Variants in MATN3 observed in about 807,000 individuals in gnomAD.
MATN3 encodes the protein matrilin-3.
Under a neutral mutation model 45.3 loss-of-function variants are expected in MATN3, and 48 were observed. The observed-to-expected ratio is 1.06, with a 90% CI of 0.84 to 1.35. MATN3 has a LOEUF of 1.35. MATN3 is among the 40% of genes most tolerant of loss of function. The pLI is 0.00. For synonymous variants in MATN3, 217 were observed against 245.9 expected, an observed-to-expected ratio of 0.88 and a Z score of 1.10; for missense variants, 599 against 628.0, an observed-to-expected ratio of 0.95 and a Z score of 0.49.
chr2:20,002,977 T>C lies in MATN3; in HGVS notation c.916+184A>G, dbSNP rs16987282. ...CAAAGTATGGAAATAAGCTGATTTATCTATCATTTCACTTTTCTCCCTAAG... is the reference window on the plus strand; with the variant it reads ...CAAAGTATGGAAATAAGCTGATTTACCTATCATTTCACTTTTCTCCCTAAG... On this transcript the variant is annotated intron_variant, in intron 3 of 7. Transcript: ENST00000407540. 0.085 allele frequency among the ~76,000 whole-genome samples: 12,981 copies of C among 152,216 alleles called. 648 individuals are homozygous for C. Among genetic ancestry groups the C allele is most frequent in the East Asian group, 0.23 (1,189 of 5,174 alleles).
In MATN3 at chr2:20,003,245, C is replaced by T. The variant is rs149976914; in HGVS notation, c.832G>A (p.Val278Ile). ...CVLGTHQCQHVCISDGEGKHH... is the reference protein window; with the variant it reads ...CVLGTHQCQHICISDGEGKHH... ...TTGCCTTCCCCATCACTGATGCAGACGTGCTGGCACTGGTGTGTTCCAAGC... is the reference window on the plus strand; with the variant it reads ...TTGCCTTCCCCATCACTGATGCAGATGTGCTGGCACTGGTGTGTTCCAAGC... The change falls in exon 3 of 8, where the codon GTC becomes ATC. Residue 278 changes from valine (V) to isoleucine (I), a missense_variant. Physicochemically the swap from Val to Ile is conservative, Grantham distance 29 (BLOSUM62 3). Transcript: ENST00000407540. 2.8e-4 allele frequency: 454 copies of T among 1,613,960 alleles called. No individual in the cohort carries two copies. The highest frequency in any genetic ancestry group is 3.8e-4 in the Non-Finnish European group (444 of 1,179,850).
chr2:20,005,804 A>G lies in MATN3; in HGVS notation c.730T>C (p.Tyr244His), dbSNP rs1299166182. The change falls in exon 2 of 8, where the codon TAC becomes CAC. Residue 244 changes from tyrosine (Y) to histidine (H), a missense_variant. By Grantham distance (83) the Tyr-to-His change is moderately conservative. Coordinates refer to ENST00000407540, the MANE Select transcript of MATN3 (RefSeq NM_002381.5). ...ASEPLEEHVF[Y>H]VETYGVIEKL... ...TCAATGACCCCATAGGTCTCCACGT[A>G]GAAAACATGCTCCTCTAGGGGCTCA... The G allele has an allele frequency of 1.2e-6, 2 of 1,611,352 alleles. No homozygotes were observed. The highest frequency in any genetic ancestry group is 1.7e-6 in the Non-Finnish European group (2 of 1,178,754).
At chr2:20,004,457 G>A (rs1227484556) in intron 2 of MATN3, among the ~76,000 whole-genome samples, 1 of 152,212 alleles carries the variant, frequency 6.6e-6, no homozygotes, top group Non-Finnish European at 1.5e-5. Flanking sequence ...CTTTTTGGAA[G>A]CCAACGAATG....
rs1442180330 is a variant in MATN3, at chr2:20,005,867, C to T, written c.667G>A (p.Asp223Asn). 1 of 1,609,212 alleles carries T rather than the reference C, an allele frequency of 6.2e-7. No homozygotes were observed. Among genetic ancestry groups the T allele is most frequent in the South Asian group, 1.1e-5 (1 of 90,246 alleles). ...TTGAGGGACGCCATGTCTGCCCGGT[C>T]CACGCCCACAGCATAGAGCTCAATA... ...SGIELYAVGV[D>N]RADMASLKMM... The change falls in exon 2 of 8, where the codon GAC becomes AAC. Residue 223 changes from aspartate to asparagine, a missense_variant. Asp to Asn is a conservative substitution (Grantham distance 23). Transcript: ENST00000407540.
intron 1 of MATN3, among the ~76,000 whole-genome samples, chr2:20,009,391 ACAC>A (rs1424043280): frequency 1.3e-5 from 2 of 152,078 alleles, no homozygotes; most frequent in Non-Finnish European, 2.9e-5. Flanking sequence ...AGAAAACCAG[ACAC>A]CACATGTTCT....
At chr2:20,001,423 CTA>C (rs1672981529) in intron 4 of MATN3, among the ~76,000 whole-genome samples, 2 of 152,118 alleles carry the variant, frequency 1.3e-5, no homozygotes, top group Non-Finnish European at 2.9e-5. Context: ...TACTGGAAAA[CTA>C]TTTTGTGAAC....
At chr2:20,010,064 TA>T (rs199631182) in intron 1 of MATN3, among the ~76,000 whole-genome samples, 11 of 10,806 alleles carry the variant, frequency 1.0e-3, no homozygotes, top group Non-Finnish European at 1.3e-3. Context: ...TCTCTTCAAA[TA>T]CTAAAAAAAA....
At chr2:20,010,185 T>C (rs907139020) in intron 1 of MATN3, among the ~76,000 whole-genome samples, 1 of 150,866 alleles carries the variant, frequency 6.6e-6, no homozygotes, top group Non-Finnish European at 1.5e-5. Context: ...TGGGTCAAAG[T>C]ATTTTTGTAT....
chr2:20,011,078 G>A (rs1034701710), intron 1 of MATN3, among the ~76,000 whole-genome samples: 8 of 152,334 alleles, frequency 5.3e-5, no homozygotes, highest in Non-Finnish European at 8.8e-5. Context: ...AATCCATAGC[G>A]AAGCTTAGCA....
chr2:20,006,379 G>A lies in MATN3; in HGVS notation c.224-69C>T, dbSNP rs959885524. On this transcript the variant is annotated intron_variant, in intron 1 of 7. Coordinates refer to ENST00000407540, the MANE Select transcript of MATN3 (RefSeq NM_002381.5). ...GTAATCCTCACTTCCAGAGAACTCT[G>A]GGATTCCAGGAGGCCAGGCAAGGCA... The A allele has an allele frequency of 2.5e-5, 32 of 1,272,798 alleles. No homozygotes were observed. In the African/African-American group the frequency reaches 3.4e-4, roughly 14 times the overall value. 78.8% of individuals were successfully genotyped at this position (1,272,798 alleles called of 1,614,324 possible).
At chr2:20,007,337 T>C (rs1468383330) in intron 1 of MATN3, among the ~76,000 whole-genome samples, 1 of 151,764 alleles carries the variant, frequency 6.6e-6, no homozygotes, top group Non-Finnish European at 1.5e-5. Context: ...GAGACCAGCC[T>C]GGCCAACTTG....
chr2:20,012,445 A>C lies in MATN3; in HGVS notation c.187T>G (p.Ser63Ala), dbSNP rs3816644. The C allele has an allele frequency of 4.4e-3, 5,440 of 1,229,312 alleles. 149 individuals are homozygous for C. The African/African-American group carries it at 0.062, about 14-fold the overall frequency. The allele number at this position is 1,229,312 out of a possible 1,614,324, so 76.2% of individuals were successfully genotyped here. Reference protein sequence around the residue: ...SPAAPDGAPASGTSEPGRARG... With the variant: ...SPAAPDGAPAAGTSEPGRARG... Reference sequence around the variant, plus strand: ...GCGCGGCCAGGCTCGCTGGTCCCGGAAGCGGGCGCGCCGTCGGGAGCCGCA... The same window carrying C: ...GCGCGGCCAGGCTCGCTGGTCCCGGCAGCGGGCGCGCCGTCGGGAGCCGCA... Residue 63 changes from serine to alanine, a missense_variant, in exon 1 of 8, where the codon TCC (serine) becomes GCC (alanine). Physicochemically the swap from Ser to Ala is moderately conservative, Grantham distance 99. Transcript: ENST00000407540. This position sits in a 1 kb window ranked among gnomAD's most constrained non-coding sequence, Gnocchi z 4.3.
Position 20,008,695 on chromosome 2 carries a change from G to A in MATN3, c.224-2385C>T, listed in dbSNP as rs117709623. 2.5e-4 allele frequency among the ~76,000 whole-genome samples: 38 copies of A among 152,224 alleles called. No individual in the cohort carries two copies. The East Asian group carries it at 6.8e-3, about 27-fold the overall frequency. ...GTTTTTATATTCATTTTACAGGTGA[G>A]AAACCTGAGGTTCAAGGAGGTGTGA... On this transcript the variant is annotated intron_variant, in intron 1 of 7. Coordinates refer to ENST00000407540, the MANE Select transcript of MATN3 (RefSeq NM_002381.5).
intron 6 of MATN3, among the ~76,000 whole-genome samples, chr2:19,996,338 C>CTAAAA (rs912449439): frequency 6.6e-6 from 1 of 151,728 alleles, no homozygotes; most frequent in Non-Finnish European, 1.5e-5. Flanking sequence ...TAAAGAAGAC[C>CTAAAA]TAAAATAAAA....
intron 1 of MATN3, among the ~76,000 whole-genome samples, chr2:20,008,243 G>A (rs568273472): frequency 6.6e-6 from 1 of 152,304 alleles, no homozygotes; most frequent in Non-Finnish European, 1.5e-5. Flanking sequence ...GATTATAGGT[G>A]TGAGCCACTG....
chr2:20,008,881 T>C (rs905346843), intron 1 of MATN3, among the ~76,000 whole-genome samples: 2 of 152,110 alleles, frequency 1.3e-5, no homozygotes, highest in African/African-American at 2.4e-5. Flanking sequence ...GCTTGTTGAC[T>C]TTAAGTCACC....
chr2:19,995,354 G>A lies in MATN3; in HGVS notation c.1295-945C>T, dbSNP rs1572379950. 6.6e-6 allele frequency among the ~76,000 whole-genome samples: 1 copy of A among 152,106 alleles called. No individual in the cohort carries two copies. Among genetic ancestry groups the A allele is most frequent in the South Asian group, 2.1e-4 (1 of 4,828 alleles). ...TGTAATCCCAGCTACTCGGGAGACT[G>A]AGGCAGGAGGATTGCTTGAACCCGG... On this transcript the variant is annotated intron_variant, in intron 6 of 7. Transcript: ENST00000407540. The surrounding 1 kb of genome is among the most constrained non-coding windows in gnomAD (Gnocchi z 4.2).
At position 19,995,464 on chromosome 2, in the gene MATN3, C is replaced by CA. The variant is rs1293300720; in HGVS notation, c.1295-1056dup. ...TGAAATGTCGTCTCAAAAAACAAAA[C>CA]AAAAAAAAAGGATAAAAACCAGGTT... is the stretch of plus-strand genomic sequence containing the variant. On this transcript the variant is annotated intron_variant, in intron 6 of 7. Transcript: ENST00000407540. The surrounding 1 kb of genome is among the most constrained non-coding windows in gnomAD (Gnocchi z 4.2). 4.7e-5 allele frequency among the ~76,000 whole-genome samples: 7 copies of CA among 149,972 alleles called. No homozygotes were observed. Among genetic ancestry groups the CA allele is most frequent in the Admixed American group, 1.3e-4 (2 of 15,078 alleles).
intron 1 of MATN3, among the ~76,000 whole-genome samples, chr2:20,011,289 T>G (rs1240055996): frequency 6.6e-6 from 1 of 152,192 alleles, no homozygotes; most frequent in African/African-American, 2.4e-5. Context: ...AGAGTAAGAT[T>G]AACTTCCAGA....
Sources: allele counts gnomAD v4.1 joint callset (sites outside exome capture counted in the v4.1 genomes callset), GRCh38; gene constraint gnomAD v4.1.1; non-coding constraint Gnocchi (gnomAD v3.1); transcripts MANE v1.5; gene names NCBI Gene and HGNC (gene_info 2026-07-23, HGNC 2026-07-21).